CNTNAP2: variants seen among roughly 807,000 people sequenced by gnomAD.
CNTNAP2 encodes the protein contactin-associated protein-like 2.
CNTNAP2 carries 98 observed loss-of-function variants against 155.2 expected under a neutral mutation model. That is an observed-to-expected ratio of 0.63 (90% CI 0.54 to 0.75). The LOEUF (loss-of-function observed/expected upper bound fraction) is 0.75. Ranked by LOEUF, CNTNAP2 falls within the 30% of genes least tolerant of loss-of-function variation. The probability of loss-of-function intolerance (pLI) is 0.00; values close to 1 mark genes in which losing one functional copy is unlikely to be tolerated. For missense variants in CNTNAP2, 1,727 were observed against 1,688.1 expected (o/e 1.02, Z -0.40); for synonymous variants, 651 against 631.2 (o/e 1.03, Z -0.47).
At chr7:146,974,174 T>G (rs1450491017) in intron 3 of CNTNAP2, among the ~76,000 whole-genome samples, 2 of 152,078 alleles carry the variant, frequency 1.3e-5, no homozygotes, top group Non-Finnish European at 2.9e-5. Context: ...TCACACACTA[T>G]CACTAAAAAT....
At chr7:146,168,104 G>C (rs1365131035) in intron 1 of CNTNAP2, among the ~76,000 whole-genome samples, 1 of 152,074 alleles carries the variant, frequency 6.6e-6, no homozygotes, top group Non-Finnish European at 1.5e-5. Context: ...GGCTGTGCTG[G>C]CAGCTAATTA....
At chr7:146,620,500 G>C (rs1323135865) in intron 1 of CNTNAP2, among the ~76,000 whole-genome samples, 1 of 152,104 alleles carries the variant, frequency 6.6e-6, no homozygotes, top group Non-Finnish European at 1.5e-5. Flanking sequence ...GACTGAGGGA[G>C]GTTAATCAGT....
chr7:146,493,296 A>G (rs1797166404), intron 1 of CNTNAP2, among the ~76,000 whole-genome samples: 1 of 152,200 alleles, frequency 6.6e-6, no homozygotes, highest in Admixed American at 6.5e-5. Context: ...CCTGAATAGC[A>G]TGGCTTCAAA....
At chr7:148,180,275 A>C (rs143371735) in intron 18 of CNTNAP2, among the ~76,000 whole-genome samples, 5 of 152,212 alleles carry the variant, frequency 3.3e-5, no homozygotes, top group Non-Finnish European at 5.9e-5. Flanking sequence ...CAGATTTGGA[A>C]GAAGGCCCAA....
intron 1 of CNTNAP2, among the ~76,000 whole-genome samples, chr7:146,470,638 C>T (rs1275601252): frequency 1.3e-5 from 2 of 152,196 alleles, no homozygotes; most frequent in African/African-American, 4.8e-5. Flanking sequence ...GGCACAGTCT[C>T]GGCTCACTGC....
At chr7:146,559,172 C>T (rs1183671191) in intron 1 of CNTNAP2, among the ~76,000 whole-genome samples, 4 of 152,078 alleles carry the variant, frequency 2.6e-5, no homozygotes, top group South Asian at 4.2e-4. Flanking sequence ...GTTTCAAATA[C>T]CTGACCATCA....
intron 1 of CNTNAP2, among the ~76,000 whole-genome samples, chr7:146,641,574 A>G (rs532585240): frequency 5.3e-5 from 8 of 152,098 alleles, no homozygotes; most frequent in African/African-American, 1.7e-4. Flanking sequence ...CTCAGCTTCA[A>G]TCTTTAGCTC....
chr7:148,152,379 G>A (rs1805312689), intron 17 of CNTNAP2, among the ~76,000 whole-genome samples: 1 of 151,908 alleles, frequency 6.6e-6, no homozygotes, highest in Non-Finnish European at 1.5e-5. Context: ...TCTGCCTCAG[G>A]GTGACAGCCA....
chr7:147,928,509 T>G (rs1354295825), intron 14 of CNTNAP2, among the ~76,000 whole-genome samples: 1 of 152,160 alleles, frequency 6.6e-6, no homozygotes, highest in Non-Finnish European at 1.5e-5. Flanking sequence ...GAAGAAAACT[T>G]TAAAGCGATG....
intron 1 of CNTNAP2, among the ~76,000 whole-genome samples, chr7:146,339,166 A>G (rs1252778981): frequency 6.6e-6 from 1 of 152,060 alleles, no homozygotes; most frequent in African/African-American, 2.4e-5. Flanking sequence ...ACCTGTAACA[A>G]AACTCCATAA....
intron 1 of CNTNAP2, among the ~76,000 whole-genome samples, chr7:146,618,466 C>T (rs141134531): frequency 2.0e-5 from 3 of 152,178 alleles, no homozygotes; most frequent in African/African-American, 7.2e-5. Context: ...TATTACACTA[C>T]AATCATGTCT....
At chr7:148,295,118 TTTAA>T (rs1203031405) in intron 21 of CNTNAP2, among the ~76,000 whole-genome samples, 1 of 152,212 alleles carries the variant, frequency 6.6e-6, no homozygotes, top group Admixed American at 6.5e-5. Context: ...TACCTTTTCA[TTTAA>T]TTGACTATAA....
chr7:146,550,415 T>TGTTTTTG (rs1554447439), intron 1 of CNTNAP2, among the ~76,000 whole-genome samples: 1 of 115,760 alleles, frequency 8.6e-6, no homozygotes, highest in Non-Finnish European at 1.9e-5. Context: ...TTTTTTTTTT[T>TGTTTTTG]TTTTTTTTTT....
At chr7:147,050,480 G>T (rs571318103) in intron 4 of CNTNAP2, among the ~76,000 whole-genome samples, 71 of 152,288 alleles carry the variant, frequency 4.7e-4, no homozygotes, top group South Asian at 2.1e-3. Context: ...AAACCTGTAT[G>T]TCATTCAATG....
chr7:147,418,073 A>G (rs1053960816), intron 10 of CNTNAP2, among the ~76,000 whole-genome samples: 2 of 152,220 alleles, frequency 1.3e-5, no homozygotes, highest in African/African-American at 2.4e-5. Flanking sequence ...TCATACAATA[A>G]CAATTATATG....
At chr7:146,858,660 C>T (rs1795038884) in intron 3 of CNTNAP2, among the ~76,000 whole-genome samples, 1 of 152,162 alleles carries the variant, frequency 6.6e-6, no homozygotes, top group South Asian at 2.1e-4. Context: ...CACCATTGCA[C>T]TCCAGCCTGG....
chr7:146,732,309 T>C (rs75682169), intron 1 of CNTNAP2, among the ~76,000 whole-genome samples: 2,478 of 152,270 alleles, frequency 0.016, 73 homozygotes, highest in African/African-American at 0.056. Context: ...TCCTAAAACT[T>C]GTTTTCTCTT....
chr7:146,380,871 C>T (rs1795375013), intron 1 of CNTNAP2, among the ~76,000 whole-genome samples: 1 of 133,842 alleles, frequency 7.5e-6, no homozygotes, highest in Non-Finnish European at 1.5e-5. Context: ...AATCTCGGCT[C>T]ACTGCAGGCT....
intron 1 of CNTNAP2, among the ~76,000 whole-genome samples, chr7:146,662,060 C>T (rs114275669): frequency 0.026 from 3,972 of 151,738 alleles, 45 homozygotes; most frequent in Middle Eastern, 0.041. Context: ...TGATGCCGAA[C>T]ATTTTTCATG....
Sources: allele counts gnomAD v4.1 joint callset (sites outside exome capture counted in the v4.1 genomes callset), GRCh38; gene constraint gnomAD v4.1.1; transcripts MANE v1.5; gene names NCBI Gene and HGNC (gene_info 2026-07-23, HGNC 2026-07-21).